Variants in PLAG1 observed in about 807,000 individuals in gnomAD.
PLAG1 encodes the protein PLAG1 zinc finger.
Under a neutral mutation model 35.5 loss-of-function variants are expected in PLAG1, and 7 were observed. The ratio of observed to expected loss-of-function variants is 0.20; its 90% CI spans 0.11 to 0.37. PLAG1 has a LOEUF of 0.37. Among genes scored for constraint, PLAG1 ranks in the 10% least tolerant of loss-of-function variants. The pLI is 1.00. For missense variants in PLAG1, 454 were observed against 602.8 expected, an observed-to-expected ratio of 0.75 and a Z score of 2.58; for synonymous variants, 229 against 225.4, an observed-to-expected ratio of 1.02 and a Z score of -0.14.
At chr8:56,172,982 C>T (rs577922761) in intron 2 of PLAG1, among the ~76,000 whole-genome samples, 7 of 152,158 alleles carry the variant, frequency 4.6e-5, no homozygotes, top group South Asian at 2.1e-4. Context: ...GAGTGGAAAA[C>T]GATTTGGGTA....
rs1305841534 is a variant in PLAG1, at chr8:56,208,797, G to A, written c.-322+2324C>T. The stretch of plus-strand genomic sequence containing the variant: ...CGTGGAAATCTAAAACATAAGAGCC[G>A]ATAGTAGTTTATGGTCAGTAAACAC... On this transcript the variant is annotated intron_variant, in intron 1 of 4. Coordinates refer to ENST00000316981, the MANE Select transcript of PLAG1 (RefSeq NM_002655.3). 2.0e-5 allele frequency among the ~76,000 whole-genome samples: 3 copies of A among 152,112 alleles called. No homozygotes were observed. In the East Asian group the frequency reaches 5.8e-4, roughly 29 times the overall value.
chr8:56,204,212 T>C (rs1264931067), intron 1 of PLAG1, among the ~76,000 whole-genome samples: 1 of 151,904 alleles, frequency 6.6e-6, no homozygotes, highest in Non-Finnish European at 1.5e-5. Context: ...CATTTTCCCT[T>C]CATTGTCCAA....
intron 1 of PLAG1, among the ~76,000 whole-genome samples, chr8:56,204,840 C>T (rs1384019015): frequency 6.6e-6 from 1 of 151,806 alleles, no homozygotes; most frequent in Non-Finnish European, 1.5e-5. Flanking sequence ...TCTCTAATGG[C>T]ACATCCTTCA....
chr8:56,191,807 G>GGA (rs1274815726), intron 1 of PLAG1, among the ~76,000 whole-genome samples: 1 of 138,588 alleles, frequency 7.2e-6, no homozygotes, highest in African/African-American at 2.9e-5. Context: ...CTAAAACACA[G>GGA]GAAAAAAAAA....
chr8:56,180,149 T>C (rs1046104764), intron 1 of PLAG1, among the ~76,000 whole-genome samples: 1 of 152,236 alleles, frequency 6.6e-6, no homozygotes, highest in African/African-American at 2.4e-5. Flanking sequence ...AATGTTTGCA[T>C]CCGTCTGTTG....
chr8:56,185,800 C>T (rs181493568), intron 1 of PLAG1, among the ~76,000 whole-genome samples: 28 of 152,282 alleles, frequency 1.8e-4, no homozygotes, highest in East Asian at 7.7e-4. Context: ...TTCTGGGATA[C>T]GTTCCATTTA....
At chr8:56,184,554 T>C (rs1811963988) in intron 1 of PLAG1, among the ~76,000 whole-genome samples, 1 of 152,210 alleles carries the variant, frequency 6.6e-6, no homozygotes, top group Admixed American at 6.5e-5. Context: ...GCTTTGTTTA[T>C]AATAGTCAAA....
rs544681743 is a variant in PLAG1, at chr8:56,167,181, G to A, written c.565C>T (p.His189Tyr). The A allele has an allele frequency of 7.4e-6, 12 of 1,613,780 alleles. No homozygotes were observed. The highest frequency in any genetic ancestry group is 1.1e-5 in the South Asian group (1 of 91,068). ...CGGGTGTAGAACCGGCGATCACAAT[G>A]TTCGCACTGGTGCTTTTTTTCTTTA... ...GVKEKKHQCE[H>Y]CDRRFYTRKD... The change falls in exon 5 of 5, where the codon CAT (histidine) becomes TAT (tyrosine). Residue 189 changes from histidine (H) to tyrosine (Y), a missense_variant. By Grantham distance (83) the His-to-Tyr change is moderately conservative. Coordinates refer to ENST00000316981, the MANE Select transcript of PLAG1 (RefSeq NM_002655.3). This position sits in a 1 kb window ranked among gnomAD's most constrained non-coding sequence, Gnocchi z 5.9.
At chr8:56,185,645 T>C (rs1170806232) in intron 1 of PLAG1, among the ~76,000 whole-genome samples, 1 of 152,110 alleles carries the variant, frequency 6.6e-6, no homozygotes, top group Non-Finnish European at 1.5e-5. Flanking sequence ...TCTAGGCAGG[T>C]TTTAGAGCCA....
At position 56,166,854 on chromosome 8, in the gene PLAG1, T is replaced by A; in HGVS notation, c.892A>T (p.Met298Leu). 6.2e-7 allele frequency: 1 copy of A among 1,614,130 alleles called. No individual in the cohort carries two copies. Among genetic ancestry groups the A allele is most frequent in the Admixed American group, 1.7e-5 (1 of 60,008 alleles). ...TGGTGGGCAGATCCCGAGCTCTGCA[T>A]GGACTGAAATGGAGTGTTGTAGAGG... Reference protein sequence around the residue: ...LNLYNTPFQSMQSSGSAHQMI... With the variant: ...LNLYNTPFQSLQSSGSAHQMI... Residue 298 changes from methionine to leucine, a missense_variant, in exon 5 of 5, where the codon ATG (methionine) becomes TTG (leucine). Transcript: ENST00000316981.
chr8:56,199,829 T>G (rs559911735), intron 1 of PLAG1, among the ~76,000 whole-genome samples: 1 of 152,120 alleles, frequency 6.6e-6, no homozygotes. Flanking sequence ...GGAGCTAAGC[T>G]AGACATCTGG....
chr8:56,187,433 T>C (rs1199929568), intron 1 of PLAG1, among the ~76,000 whole-genome samples: 2 of 152,238 alleles, frequency 1.3e-5, no homozygotes, highest in East Asian at 3.8e-4. Context: ...CTGTCTGACC[T>C]TCACTATCTG....
At chr8:56,190,522 T>C (rs1365471310) in intron 1 of PLAG1, among the ~76,000 whole-genome samples, 1 of 152,140 alleles carries the variant, frequency 6.6e-6, no homozygotes, top group African/African-American at 2.4e-5. Flanking sequence ...GGAACCAGAA[T>C]GGAGGCCTGG....
chr8:56,208,907 G>A lies in PLAG1; in HGVS notation c.-322+2214C>T, dbSNP rs1275181635. Among the ~76,000 whole-genome samples the A allele has an allele frequency of 1.2e-4, 18 of 152,120 alleles. 1 individual carries two copies. The highest frequency in any genetic ancestry group is 1.2e-3 in the Admixed American group (18 of 15,278). On this transcript the variant is annotated intron_variant, in intron 1 of 4. Coordinates refer to ENST00000316981, the MANE Select transcript of PLAG1 (RefSeq NM_002655.3). ...ATTTTAAAAATCTTTTCATTTCAAA[G>A]GCGCAAAGTTACAACCCATGCATAG...
intron 1 of PLAG1, among the ~76,000 whole-genome samples, chr8:56,192,349 T>C (rs1023923015): frequency 1.9e-4 from 29 of 152,344 alleles, no homozygotes; most frequent in Admixed American, 6.5e-5. Flanking sequence ...ATTACTGCAT[T>C]ATTTAAAGAC....
chr8:56,203,663 C>T (rs1812622441), intron 1 of PLAG1, among the ~76,000 whole-genome samples: 1 of 152,052 alleles, frequency 6.6e-6, no homozygotes, highest in Non-Finnish European at 1.5e-5. Flanking sequence ...AACTTTCCTT[C>T]TTGGAAACAT....
At chr8:56,186,976 A>G (rs967189010) in intron 1 of PLAG1, among the ~76,000 whole-genome samples, 3 of 152,208 alleles carry the variant, frequency 2.0e-5, no homozygotes, top group Non-Finnish European at 4.4e-5. Flanking sequence ...TCAGCCTCCC[A>G]AAGTGTTGGG....
intron 2 of PLAG1, among the ~76,000 whole-genome samples, chr8:56,175,390 AG>A (rs1482110417): frequency 1.3e-5 from 2 of 152,240 alleles, no homozygotes; most frequent in African/African-American, 4.8e-5. Context: ...AGAGGGGAAC[AG>A]AAAGGAGCTG....
At chr8:56,209,471 TCAGA>T (rs140086015) in intron 1 of PLAG1, 2 of 152,432 alleles carry the variant, frequency 1.3e-5, no homozygotes, top group East Asian at 1.9e-4. Flanking sequence ...CTTTTGGTCC[TCAGA>T]CAGTGATTCT....
Sources: allele counts gnomAD v4.1 joint callset (sites outside exome capture counted in the v4.1 genomes callset), GRCh38; gene constraint gnomAD v4.1.1; non-coding constraint Gnocchi (gnomAD v3.1); transcripts MANE v1.5; gene names NCBI Gene and HGNC (gene_info 2026-07-23, HGNC 2026-07-21).